The following SHPRH variants were observed in gnomAD, a reference collection of about 807,000 sequenced individuals.
The protein encoded by SHPRH is SNF2 histone linker PHD RING helicase, also known as E3 ubiquitin-protein ligase SHPRH.
Under a neutral mutation model 202.5 loss-of-function variants are expected in SHPRH, and 106 were observed. The observed-to-expected ratio is 0.52, with a 90% confidence interval of 0.45 to 0.62. SHPRH has a LOEUF of 0.62. Among genes scored for constraint, SHPRH ranks in the 20% least tolerant of loss-of-function variants. SHPRH has a pLI of 0.00. For missense variants in SHPRH, 1,710 were observed against 2,020.0 expected (o/e 0.85, Z 2.94); for synonymous variants, 729 against 686.0 (o/e 1.06, Z -0.98).
chr6:145,935,279 T>C lies in SHPRH; in HGVS notation c.2732A>G (p.Gln911Arg). The change falls in exon 12 of 30, where the codon CAA becomes CGA. Residue 911 changes from glutamine (Q) to arginine (R), a missense_variant and splice_region_variant. Physicochemically the swap from Gln to Arg is conservative, Grantham distance 43. Coordinates refer to ENST00000275233, the MANE Select transcript of SHPRH (RefSeq NM_001042683.3). ...WRSAKKDVID[Q>R]IQIPPQTEEI... The stretch of plus-strand genomic sequence containing the variant: ...TCAATAAAAACTTATTGTACTGACT[T>C]GGTCAATCACATCTTTCTTTGCAGA... 1 of 1,614,028 alleles carries C rather than the reference T, an allele frequency of 6.2e-7. No individual in the cohort carries two copies. Among genetic ancestry groups the C allele is most frequent in the Non-Finnish European group, 8.5e-7 (1 of 1,179,976 alleles).
intron 18 of SHPRH, among the ~76,000 whole-genome samples, chr6:145,923,146 C>A (rs764419238): frequency 6.6e-6 from 1 of 151,740 alleles, no homozygotes; most frequent in Non-Finnish European, 1.5e-5. Context: ...CCGTTTTAAG[C>A]CTGACTACAG....
At position 145,943,509 on chromosome 6, in the gene SHPRH, G is replaced by A. The variant is rs769815580; in HGVS notation, c.1872C>T (p.Asn624=). The change falls in exon 9 of 30, where the codon AAC becomes AAT. Residue 624 remains asparagine (N), a synonymous_variant. Coordinates refer to ENST00000275233, the MANE Select transcript of SHPRH (RefSeq NM_001042683.3). The stretch of plus-strand genomic sequence containing the variant: ...CACAGTCCTCTGTTTCATGTTCTTG[G>A]TTGAATTCAGAGATACATGTACTTT... ...MSKSTCISEF[N]QEHETEDCAE... is the part of the protein sequence containing the mutation. 8 of 1,613,844 alleles carry A rather than the reference G, an allele frequency of 5.0e-6. No individual in the cohort carries two copies. Among genetic ancestry groups the A allele is most frequent in the Non-Finnish European group, 5.9e-6 (7 of 1,179,942 alleles).
chr6:145,924,801 C>T lies in SHPRH; in HGVS notation c.3340G>A (p.Val1114Ile). ...TATAAAGCTTGCTGGGCTTCAGCAA[C>T]TTCTGTATTACACTTGCTCATGTAG... ...EHYMSKCNTE[V>I]AEAQQALYPV... Residue 1114 changes from valine (V) to isoleucine (I), a missense_variant, in exon 17 of 30, where the codon GTT becomes ATT. By Grantham distance (29) the Val-to-Ile change is conservative. Around this residue, in one of 8 missense-constraint regions of SHPRH, gnomAD observed 288 missense variants for 317.8 expected, o/e 0.91. Coordinates refer to ENST00000275233, the MANE Select transcript of SHPRH (RefSeq NM_001042683.3). 6.2e-7 allele frequency: 1 copy of T among 1,611,882 alleles called. No homozygotes were observed. The highest frequency in any genetic ancestry group is 1.3e-5 in the African/African-American group (1 of 74,898).
chr6:145,924,607 GGTC>G (rs1170515694), intron 17 of SHPRH, 129 bp downstream of exon 17: 1 of 617,602 alleles, frequency 1.6e-6, no homozygotes, highest in East Asian at 2.7e-5. Flanking sequence ...TTGTATTGTG[GGTC>G]AGGCAATGTG....
intron 18 of SHPRH, 109 bp from the exon 19 acceptor site, chr6:145,922,945 GTT>G (rs34616835): frequency 9.5e-4 from 902 of 950,074 alleles, no homozygotes; most frequent in South Asian, 2.1e-3. Context: ...ACTGTTTGCT[GTT>G]TTTTTTTTTT....
At chr6:145,937,004 G>C (rs1212671209) in intron 11 of SHPRH, among the ~76,000 whole-genome samples, 13 of 108,222 alleles carry the variant, frequency 1.2e-4, no homozygotes, top group African/African-American at 4.6e-4. Flanking sequence ...TTTTTTTTGA[G>C]ACAGAGTCTT....
At chr6:145,933,302 T>TA in intron 13 of SHPRH, 124 bp from the exon 14 acceptor site, 1 of 1,334,476 alleles carries the variant, frequency 7.5e-7, no homozygotes, top group Non-Finnish European at 1.0e-6. Context: ...ATCTCTAGCA[T>TA]TTTTTTTCGC....
intron 25 of SHPRH, chr6:145,908,622 A>G (rs1783191063): frequency 6.6e-6 from 1 of 152,012 alleles, no homozygotes. Context: ...TTTCTTATAA[A>G]TATGTTCACA....
downstream of SHPRH, among the ~76,000 whole-genome samples, chr6:145,862,446 CA>C (rs1053842941): frequency 9.0e-6 from 1 of 111,604 alleles, no homozygotes; most frequent in Non-Finnish European, 1.9e-5. Context: ...AACAAAAAAA[CA>C]AAAACAACAA....
chr6:145,858,954 T>C, the SHPRH span, among the ~76,000 whole-genome samples: 1 of 152,050 alleles, frequency 6.6e-6, no homozygotes, highest in Non-Finnish European at 1.5e-5. Context: ...TTGTGGTTGA[T>C]CTTGACTTTG....
chr6:145,949,693 C>G (rs1787776718), intron 4 of SHPRH, among the ~76,000 whole-genome samples: 1 of 151,882 alleles, frequency 6.6e-6, no homozygotes, highest in South Asian at 2.1e-4. Flanking sequence ...TCCATGTAAC[C>G]AAAAACCACT....
At chr6:145,931,157 T>C (rs987453903) in intron 14 of SHPRH, among the ~76,000 whole-genome samples, 5 of 152,096 alleles carry the variant, frequency 3.3e-5, no homozygotes, top group African/African-American at 1.2e-4. Context: ...AACATATTGA[T>C]GGTTATTGTT....
In SHPRH at chr6:145,868,299, G is replaced by A. The variant is rs72998079; in HGVS notation, c.222-3808C>T. Among the ~76,000 whole-genome samples the A allele has an allele frequency of 1.5e-3, 231 of 152,252 alleles. 1 individual carries two copies. Among genetic ancestry groups the A allele is most frequent in the Non-Finnish European group, 2.7e-3 (186 of 68,014 alleles). ...ACAGTCATATTCTAAGGCCCTGGGG[G>A]TTAGGACCTCAACGTACAACTTTTT... On this transcript the variant is annotated intron_variant, in intron 2 of 2. Transcript: ENST00000417762.
chr6:145,950,326 T>C lies in SHPRH; in HGVS notation c.920A>G (p.Tyr307Cys). 3.1e-6 allele frequency: 5 copies of C among 1,613,200 alleles called. No homozygotes were observed. The highest frequency in any genetic ancestry group is 4.2e-6 in the Non-Finnish European group (5 of 1,179,392). Residue 307 changes from tyrosine to cysteine, a missense_variant, in exon 4 of 30, where the codon TAC becomes TGC. By Grantham distance (194) the Tyr-to-Cys change is radical. This residue lies in a region of SHPRH where 459 missense variants were observed against 426.5 expected (regional missense o/e 1.08). Transcript: ENST00000275233. The part of the protein sequence containing the change: ...HPALIPVLRP[Y>C]QREAVNWMLQ... ...CATCCAATTGACAGCCTCTCTTTGG[T>C]AGGGTCTCAACACAGGGATCAATGC...
intron 24 of SHPRH, among the ~76,000 whole-genome samples, chr6:145,910,977 A>C (rs1783439769): frequency 6.6e-6 from 1 of 152,120 alleles, no homozygotes; most frequent in African/African-American, 2.4e-5. Context: ...TGGAGATAAT[A>C]TCATACTCGA....
chr6:145,929,146 G>C (rs1048584102), intron 14 of SHPRH, among the ~76,000 whole-genome samples: 1 of 151,656 alleles, frequency 6.6e-6, no homozygotes, highest in African/African-American at 2.4e-5. Context: ...TTTTTAAAAA[G>C]ACATGCTTTC....
intron 4 of SHPRH, among the ~76,000 whole-genome samples, chr6:145,948,749 T>C (rs140923980): frequency 6.6e-6 from 1 of 152,078 alleles, no homozygotes; most frequent in Non-Finnish European, 1.5e-5. Context: ...AGACATATGC[T>C]AGGTGGCTAA....
intron 18 of SHPRH, among the ~76,000 whole-genome samples, 163 bp downstream of exon 18, chr6:145,923,480 C>A (rs988261945): frequency 6.6e-6 from 1 of 151,444 alleles, no homozygotes; most frequent in Non-Finnish European, 1.5e-5. Flanking sequence ...TTTTGATAAA[C>A]TGTGAATAAA....
intron 25 of SHPRH, among the ~76,000 whole-genome samples, chr6:145,897,577 A>G (rs560323630): frequency 1.3e-5 from 2 of 152,250 alleles, no homozygotes; most frequent in African/African-American, 4.8e-5. Context: ...CAAGAACACT[A>G]TAAGAAAACA....
Sources: allele counts gnomAD v4.1 joint callset (sites outside exome capture counted in the v4.1 genomes callset), GRCh38; gene constraint gnomAD v4.1.1; regional missense constraint gnomAD v4.1.1; transcripts MANE v1.5; gene names NCBI Gene and HGNC (gene_info 2026-07-23, HGNC 2026-07-21).